Variants in BCAS3 observed in about 807,000 individuals in gnomAD.
BCAS3 encodes the protein BCAS4/BCAS3 fusion.
Under a neutral mutation model 116.1 loss-of-function variants are expected in BCAS3, and 53 were observed. The ratio of observed to expected loss-of-function variants is 0.46; its 90% CI spans 0.37 to 0.57. The LOEUF (loss-of-function observed/expected upper bound fraction) is 0.57, where lower values mean the gene tolerates loss of function less well. Ranked by LOEUF, BCAS3 falls within the 20% of genes least tolerant of loss-of-function variation. The pLI is 0.00. For synonymous variants in BCAS3, 391 were observed against 408.2 expected, an observed-to-expected ratio of 0.96 and a Z score of 0.51; for missense variants, 917 against 1,165.4, an observed-to-expected ratio of 0.79 and a Z score of 3.10.
chr17:61,271,437 T>TTTTTTTTTTTTTTTTTTTTTTTTTGGG (rs2050251666), intron 22 of BCAS3, among the ~76,000 whole-genome samples: 1 of 136,110 alleles, frequency 7.3e-6, no homozygotes, highest in African/African-American at 2.7e-5. Flanking sequence ...TTTTTTTTTT[T>TTTTTTTTTTTTTTTTTTTTTTTTTGGG]GTCTTAGGTG....
At chr17:60,943,220 TAATA>T (rs2060314269) in intron 13 of BCAS3, among the ~76,000 whole-genome samples, 1 of 151,762 alleles carries the variant, frequency 6.6e-6, no homozygotes, top group Non-Finnish European at 1.5e-5. Flanking sequence ...GCAAAAATAA[TAATA>T]AATTGGTAGA....
intron 12 of BCAS3, among the ~76,000 whole-genome samples, chr17:60,919,417 C>T (rs2058954246): frequency 6.6e-6 from 1 of 152,108 alleles, no homozygotes; most frequent in Non-Finnish European, 1.5e-5. Context: ...CCTCTGCCTC[C>T]CAGGTTTAAG....
chr17:61,085,124 A>G (rs1402666274), intron 22 of BCAS3, among the ~76,000 whole-genome samples: 1 of 152,224 alleles, frequency 6.6e-6, no homozygotes, highest in Non-Finnish European at 1.5e-5. Flanking sequence ...TTGCCTTTAT[A>G]GGTGATCGTT....
Position 60,761,655 on chromosome 17 carries a change from G to A in BCAS3, c.403+14376G>A, listed in dbSNP as rs187671555. Among the ~76,000 whole-genome samples, 1,144 of 152,166 alleles carry A rather than the reference G, an allele frequency of 7.5e-3. 13 individuals carry two copies. The highest frequency in any genetic ancestry group is 0.013 in the South Asian group (61 of 4,822). ...TGTATTTGCTTTTGTGAGTAGTGCC[G>A]CAATAAACATACGTGTGCATGTGTC... is the stretch of plus-strand genomic sequence containing the variant. On this transcript the variant is annotated intron_variant, in intron 6 of 23. Transcript: ENST00000407086.
intron 15 of BCAS3, among the ~76,000 whole-genome samples, chr17:61,011,195 C>T (rs997151340): frequency 2.6e-5 from 4 of 151,942 alleles, no homozygotes; most frequent in Non-Finnish European, 5.9e-5. Context: ...GAAGGTGATA[C>T]CTTGTAACTC....
At chr17:60,717,860 T>G (rs1294151125) in intron 5 of BCAS3, among the ~76,000 whole-genome samples, 1 of 152,140 alleles carries the variant, frequency 6.6e-6, no homozygotes, top group Admixed American at 6.6e-5. Context: ...TAATATATAA[T>G]GAAATAATTA....
rs1035015956 is a variant in BCAS3, at chr17:61,226,824, C to T, written c.2426-141503C>T. Among the ~76,000 whole-genome samples the T allele has an allele frequency of 8.5e-5, 13 of 152,178 alleles. No individual in the cohort carries two copies. The highest frequency in any genetic ancestry group is 2.4e-4 in the African/African-American group (10 of 41,428). ...GATTGCTGTTACTGTATCACATTTA[C>T]GTATTAGGGAACTGAGCTTCAGAGA... On this transcript the variant is annotated intron_variant, in intron 22 of 23. Transcript: ENST00000407086. The surrounding 1 kb of genome is among the most constrained non-coding windows in gnomAD (Gnocchi z 6.0).
chr17:61,117,659 T>C (rs1045128861), intron 22 of BCAS3, among the ~76,000 whole-genome samples: 3 of 152,136 alleles, frequency 2.0e-5, no homozygotes, highest in African/African-American at 7.2e-5. Context: ...CTTTTACTTG[T>C]TTGCTAAGAC....
intron 14 of BCAS3, among the ~76,000 whole-genome samples, chr17:60,973,384 G>A (rs778697143): frequency 3.9e-5 from 6 of 152,058 alleles, no homozygotes; most frequent in Non-Finnish European, 8.8e-5. Context: ...CACAGATTAA[G>A]TATCTGTGGT....
rs2063697467 is a variant in BCAS3 at position 60,994,102 on chromosome 17, A to G, written c.1486+3867A>G. Among the ~76,000 whole-genome samples, 1 of 152,096 alleles carries G rather than the reference A, an allele frequency of 6.6e-6. No homozygotes were observed. The highest frequency in any genetic ancestry group is 6.5e-5 in the Admixed American group (1 of 15,274). On this transcript the variant is annotated intron_variant, in intron 15 of 23. Transcript: ENST00000407086. This position sits in a 1 kb window ranked among gnomAD's most constrained non-coding sequence, Gnocchi z 4.4. ...GTTATGAACATGGAAAATACATGACAAAAACATTAACAGTGCTTGTGACAC... is the reference window on the plus strand; with the variant it reads ...GTTATGAACATGGAAAATACATGACGAAAACATTAACAGTGCTTGTGACAC...
At chr17:60,824,893 CAGTG>C (rs1199463451) in intron 7 of BCAS3, among the ~76,000 whole-genome samples, 1 of 152,124 alleles carries the variant, frequency 6.6e-6, no homozygotes, top group African/African-American at 2.4e-5. Context: ...GGGCTGGGCG[CAGTG>C]GCTCTTGCCC....
chr17:60,812,052 C>CAAA (rs375054739), intron 7 of BCAS3, among the ~76,000 whole-genome samples: 1 of 118,820 alleles, frequency 8.4e-6, no homozygotes, highest in Non-Finnish European at 1.9e-5. Context: ...GACCCAGTCT[C>CAAA]AAAAAAAAAA....
At chr17:60,936,235 C>T (rs1408201965) in intron 13 of BCAS3, among the ~76,000 whole-genome samples, 1 of 149,868 alleles carries the variant, frequency 6.7e-6, no homozygotes, top group East Asian at 1.9e-4. Context: ...ATATGTGCCA[C>T]ATTTTCTTAA....
intron 14 of BCAS3, among the ~76,000 whole-genome samples, chr17:60,980,058 T>G (rs1157547559): frequency 6.6e-6 from 1 of 152,108 alleles, no homozygotes. Context: ...TTGGAATAGT[T>G]TCAGAGGGAA....
intron 19 of BCAS3, among the ~76,000 whole-genome samples, chr17:61,064,191 G>A (rs2070369818): frequency 6.6e-6 from 1 of 152,152 alleles, no homozygotes; most frequent in Non-Finnish European, 1.5e-5. Flanking sequence ...AGCTCCTCAG[G>A]AGGCTGAGAC....
At chr17:60,777,016 CAA>C (rs58245869) in intron 6 of BCAS3, among the ~76,000 whole-genome samples, 5,372 of 78,774 alleles carry the variant, frequency 0.068, 313 homozygotes, top group African/African-American at 0.16. Flanking sequence ...AACTCCATCT[CAA>C]AAAAAAAAAA....
intron 10 of BCAS3, chr17:60,900,200 A>C (rs969538114): frequency 6.6e-6 from 1 of 151,982 alleles, no homozygotes; most frequent in African/African-American, 2.4e-5. Flanking sequence ...AAAAAAAAAA[A>C]AGAAAGAAAG....
chr17:60,680,735 T>C (rs996233412), intron 2 of BCAS3, among the ~76,000 whole-genome samples: 2 of 151,960 alleles, frequency 1.3e-5, no homozygotes, highest in African/African-American at 4.8e-5. Flanking sequence ...TCCTCCTCTG[T>C]CTCCCAGATT....
rs1468719193 is a variant in BCAS3 at position 61,224,500 on chromosome 17, A to G, written c.2425+139936A>G. Among the ~76,000 whole-genome samples the G allele has an allele frequency of 6.6e-6, 1 of 152,240 alleles. No homozygotes were observed. Among genetic ancestry groups the G allele is most frequent in the Non-Finnish European group, 1.5e-5 (1 of 68,044 alleles). Reference sequence around the variant, plus strand: ...GACGAGCAGGTGGTTTGGTTTGCCCATCAGACAGTGTGGCAAGGACAGCAA... The same window carrying G: ...GACGAGCAGGTGGTTTGGTTTGCCCGTCAGACAGTGTGGCAAGGACAGCAA... On this transcript the variant is annotated intron_variant, in intron 22 of 23. Coordinates refer to ENST00000407086, the MANE Select transcript of BCAS3 (RefSeq NM_017679.5). The surrounding 1 kb of genome is among the most constrained non-coding windows in gnomAD (Gnocchi z 5.7).
Sources: allele counts gnomAD v4.1 joint callset (sites outside exome capture counted in the v4.1 genomes callset), GRCh38; gene constraint gnomAD v4.1.1; non-coding constraint Gnocchi (gnomAD v3.1); transcripts MANE v1.5; gene names NCBI Gene and HGNC (gene_info 2026-07-23, HGNC 2026-07-21).